The following SLC35F3 variants were observed in gnomAD, a reference collection of about 807,000 sequenced individuals.
The protein encoded by SLC35F3 is putative thiamine transporter SLC35F3.
SLC35F3 carries 25 observed loss-of-function variants against 49.9 expected under a neutral mutation model. That is an observed-to-expected ratio of 0.50 (90% CI 0.37 to 0.70). The LOEUF is 0.70. Ranked by LOEUF, SLC35F3 falls within the 30% of genes least tolerant of loss-of-function variation. The probability of loss-of-function intolerance (pLI) is 0.00; values close to 1 mark genes in which losing one functional copy is unlikely to be tolerated. For synonymous variants in SLC35F3, 275 were observed against 265.4 expected, an observed-to-expected ratio of 1.04 and a Z score of -0.35; for missense variants, 525 against 639.8, an observed-to-expected ratio of 0.82 and a Z score of 1.94.
intron 2 of SLC35F3, among the ~76,000 whole-genome samples, chr1:234,100,234 G>C (rs1168224697): frequency 2.0e-5 from 3 of 152,142 alleles, no homozygotes; most frequent in Admixed American, 1.3e-4. Context: ...TTTGAGTCAA[G>C]ATTCTGAATG....
At chr1:234,172,743 T>C (rs967069717) in intron 2 of SLC35F3, among the ~76,000 whole-genome samples, 7 of 152,166 alleles carry the variant, frequency 4.6e-5, no homozygotes, top group African/African-American at 1.7e-4. Context: ...CTATAGGCAA[T>C]TGTAACACAA....
chr1:234,199,600 G>A (rs377459347), intron 2 of SLC35F3, among the ~76,000 whole-genome samples: 2 of 152,140 alleles, frequency 1.3e-5, no homozygotes, highest in South Asian at 2.1e-4. Flanking sequence ...TTTTTTGGTT[G>A]ACTCCAAAAG....
intron 3 of SLC35F3, chr1:234,274,102 T>A (rs908069703): frequency 5.3e-5 from 8 of 152,252 alleles, no homozygotes; most frequent in African/African-American, 1.9e-4. Context: ...TAGCGAAATG[T>A]TGATAGTTCT....
chr1:234,088,271 G>A (rs554637173), intron 2 of SLC35F3, among the ~76,000 whole-genome samples: 7 of 152,254 alleles, frequency 4.6e-5, no homozygotes, highest in Admixed American at 6.5e-5. Flanking sequence ...ACAGTGGCGC[G>A]ATCTCGGCTC....
intron 2 of SLC35F3, among the ~76,000 whole-genome samples, chr1:234,019,224 T>G (rs1663853770): frequency 6.6e-6 from 1 of 152,114 alleles, no homozygotes; most frequent in South Asian, 2.1e-4. Flanking sequence ...TGATCACATG[T>G]CAGGAAGCAT....
Position 234,214,953 on chromosome 1 carries a change from C to T in SLC35F3, c.284-16464C>T, listed in dbSNP as rs750214381. 5.2e-5 allele frequency: 10 copies of T among 191,924 alleles called. No homozygotes were observed. The highest frequency in any genetic ancestry group is 4.9e-4 in the Admixed American group (8 of 16,248). The allele number at this position is 191,924 out of a possible 1,614,324, so 11.9% of individuals were successfully genotyped here. ...TCCCAGTGTCCCCTTACCACACACA[C>T]ACTTGAGTTGCCTGGGTGTGGAGCT... On this transcript the variant is annotated intron_variant, in intron 2 of 7. Transcript: ENST00000366618. This position sits in a 1 kb window ranked among gnomAD's most constrained non-coding sequence, Gnocchi z 8.0.
At chr1:234,235,863 C>T (rs1316286737) in intron 3 of SLC35F3, among the ~76,000 whole-genome samples, 2 of 152,214 alleles carry the variant, frequency 1.3e-5, no homozygotes, top group Non-Finnish European at 2.9e-5. Flanking sequence ...GCCACCCAGA[C>T]TTACGCAGGA....
intron 3 of SLC35F3, among the ~76,000 whole-genome samples, chr1:234,259,613 G>A (rs1212965692): frequency 1.3e-5 from 2 of 152,128 alleles, no homozygotes; most frequent in African/African-American, 4.8e-5. Flanking sequence ...GGCAGAGGTT[G>A]CAGTGAGCGG....
chr1:234,267,421 G>A, intron 3 of SLC35F3, among the ~76,000 whole-genome samples: 1 of 146,824 alleles, frequency 6.8e-6, no homozygotes, highest in Non-Finnish European at 1.5e-5. Context: ...GTCGTGGCCG[G>A]GCAGAGGGGC....
chr1:234,213,577 A>C (rs1667072300), intron 2 of SLC35F3: 1 of 152,244 alleles, frequency 6.6e-6, no homozygotes, highest in African/African-American at 2.4e-5. Flanking sequence ...CTTTTTAATG[A>C]GCACCATCGG....
chr1:234,135,205 A>G (rs960377383), intron 2 of SLC35F3, among the ~76,000 whole-genome samples: 1 of 152,216 alleles, frequency 6.6e-6, no homozygotes, highest in Non-Finnish European at 1.5e-5. Flanking sequence ...AACATGTGGC[A>G]CTTAGTTATC....
At chr1:234,069,174 A>T (rs1411004140) in intron 2 of SLC35F3, among the ~76,000 whole-genome samples, 3 of 137,768 alleles carry the variant, frequency 2.2e-5, no homozygotes, top group Non-Finnish European at 4.6e-5. Flanking sequence ...ATATAATATA[A>T]TATATAAAAT....
At position 233,920,134 on chromosome 1, in the gene SLC35F3, A is replaced by T. The variant is rs567619089; in HGVS notation, c.283+14376A>T. On this transcript the variant is annotated intron_variant, in intron 2 of 7. Coordinates refer to ENST00000366618, the MANE Select transcript of SLC35F3 (RefSeq NM_173508.4). Reference sequence around the variant, plus strand: ...ACTGCTTTTGTCTCAAGGTGAATATATGAGAATTGGAGGCAATATTGTAAG... The same window carrying T: ...ACTGCTTTTGTCTCAAGGTGAATATTTGAGAATTGGAGGCAATATTGTAAG... 2.6e-5 allele frequency among the ~76,000 whole-genome samples: 4 copies of T among 152,352 alleles called. No homozygotes were observed. The East Asian group carries it at 5.8e-4, about 22-fold the overall frequency.
At chr1:234,179,426 A>G (rs1019750484) in intron 2 of SLC35F3, among the ~76,000 whole-genome samples, 11 of 152,196 alleles carry the variant, frequency 7.2e-5, no homozygotes, top group African/African-American at 2.7e-4. Context: ...TTAGTTGACA[A>G]ATAGTAATTG....
chr1:234,065,980 G>A (rs544828462), intron 2 of SLC35F3, among the ~76,000 whole-genome samples: 3 of 152,320 alleles, frequency 2.0e-5, no homozygotes, highest in Admixed American at 6.5e-5. Flanking sequence ...TCGCTGGTCC[G>A]GAGGCAAGAG....
intron 2 of SLC35F3, among the ~76,000 whole-genome samples, chr1:234,129,538 G>A (rs570717902): frequency 2.6e-4 from 39 of 152,272 alleles, no homozygotes; most frequent in South Asian, 1.7e-3. Context: ...TAAAGTCAAT[G>A]AAATCTCAGT....
At chr1:234,314,398 C>G (rs1009616973) in intron 4 of SLC35F3, among the ~76,000 whole-genome samples, 2 of 152,158 alleles carry the variant, frequency 1.3e-5, no homozygotes, top group East Asian at 3.9e-4. Flanking sequence ...AAAAATCACC[C>G]CTCACTGTCC....
intron 2 of SLC35F3, among the ~76,000 whole-genome samples, chr1:234,206,377 A>T (rs987960642): frequency 2.0e-5 from 3 of 150,394 alleles, no homozygotes; most frequent in Non-Finnish European, 4.4e-5. Flanking sequence ...TGTGAGGAGC[A>T]GGGTGCCCAG....
intron 2 of SLC35F3, among the ~76,000 whole-genome samples, chr1:233,922,328 G>A (rs1370306360): frequency 1.2e-4 from 19 of 152,008 alleles, no homozygotes; most frequent in East Asian, 1.9e-4. Context: ...TTTAATGATC[G>A]CCATTCTAAC....
Sources: gnomAD v4.1 joint callset for allele counts (sites outside exome capture counted in the v4.1 genomes callset) on GRCh38, gnomAD v4.1.1 for gene constraint, Gnocchi (gnomAD v3.1) non-coding constraint, MANE v1.5 for transcripts, NCBI Gene and HGNC (gene_info 2026-07-23, HGNC 2026-07-21) for gene names.